Variants in STK4 observed in about 807,000 individuals in gnomAD.
The protein encoded by STK4 is serine/threonine-protein kinase 4.
In STK4, 30 loss-of-function variants were observed where a neutral mutation model predicts 64.9. That is an observed-to-expected ratio of 0.46 (90% CI 0.35 to 0.63). The LOEUF is 0.63. Among genes scored for constraint, STK4 ranks in the 20% least tolerant of loss-of-function variants. STK4 has a pLI of 0.01. For synonymous variants in STK4, 177 were observed against 199.0 expected (o/e 0.89, Z 0.93); for missense variants, 466 against 598.5 (o/e 0.78, Z 2.31).
At chr20:45,041,685 CTTT>C (rs11477080) in intron 10 of STK4, among the ~76,000 whole-genome samples, 7 of 145,828 alleles carry the variant, frequency 4.8e-5, no homozygotes, top group African/African-American at 2.5e-5. Flanking sequence ...GCGTGTTTAG[CTTT>C]TTTTTTTTTT....
intron 10 of STK4, among the ~76,000 whole-genome samples, chr20:45,070,065 T>C (rs180874599): frequency 7.4e-4 from 112 of 152,278 alleles, no homozygotes; most frequent in Non-Finnish European, 8.8e-4. Flanking sequence ...AGGCAGAAGA[T>C]TCATTAACTC....
chr20:45,041,934 A>G (rs534600981), intron 10 of STK4, among the ~76,000 whole-genome samples: 4 of 152,182 alleles, frequency 2.6e-5, no homozygotes, highest in African/African-American at 9.6e-5. Flanking sequence ...TGAAGTTTTT[A>G]AAGTTTGAAT....
chr20:45,035,746 CAT>C, intron 10 of STK4, among the ~76,000 whole-genome samples: 1 of 152,302 alleles, frequency 6.6e-6, no homozygotes, highest in Middle Eastern at 3.4e-3. Context: ...TAAACTCAGA[CAT>C]AGTCTCTGAA....
At position 45,077,120 on chromosome 20, in the gene STK4, A is replaced by G. The variant is rs550994778; in HGVS notation, c.*1944A>G. On this transcript the variant is annotated 3_prime_UTR_variant, in exon 11 of 11. Transcript: ENST00000372806. ...AGTTCAGAGAGAAAGATTCCTTCCC[A>G]AGGTCATGCAGCTAGTAAATGATAG... 3 of 152,332 alleles carry G rather than the reference A, an allele frequency of 2.0e-5. No individual in the cohort carries two copies. The highest frequency in any genetic ancestry group is 4.2e-4 in the South Asian group (2 of 4,816). 9.4% of individuals were successfully genotyped at this position (152,332 alleles called of 1,614,324 possible). A position where few individuals can be genotyped will look rare whatever the true frequency, so the allele number is the denominator to read the frequency against.
chr20:45,066,808 A>G (rs1243128080), intron 10 of STK4, among the ~76,000 whole-genome samples: 1 of 152,244 alleles, frequency 6.6e-6, no homozygotes, highest in South Asian at 2.1e-4. Flanking sequence ...TGGCATGACC[A>G]TAATTTGAGT....
chr20:45,044,425 C>T (rs182580770), intron 10 of STK4, among the ~76,000 whole-genome samples: 80 of 152,228 alleles, frequency 5.3e-4, no homozygotes, highest in African/African-American at 1.8e-3. Flanking sequence ...GTTGCAGGAT[C>T]GCTTGAGCCC....
At chr20:45,061,638 G>A (rs551026258) in intron 10 of STK4, among the ~76,000 whole-genome samples, 24 of 145,496 alleles carry the variant, frequency 1.6e-4, no homozygotes, top group African/African-American at 5.1e-4. Flanking sequence ...GGGTACATGT[G>A]CAGTTTTTTA....
intron 5 of STK4, among the ~76,000 whole-genome samples, chr20:44,990,792 GT>G (rs1206066895): frequency 6.6e-6 from 1 of 152,154 alleles, no homozygotes; most frequent in East Asian, 1.9e-4. Context: ...GGAGAGGAAG[GT>G]TTAGGGTGCT....
rs777923911 is a variant in STK4, at chr20:45,024,988, T to C, written c.1163T>C (p.Met388Thr). The change falls in exon 10 of 11, where the codon ATG becomes ACG. Residue 388 changes from methionine (M) to threonine (T), a missense_variant. Physicochemically the swap from Met to Thr is moderately conservative, Grantham distance 81. This residue lies in a region of STK4 where 276 missense variants were observed against 308.9 expected (regional missense o/e 0.89). Transcript: ENST00000372806. Reference protein sequence around the residue: ...EGTMKRRDETMQPAKPSFLEY... With the variant: ...EGTMKRRDETTQPAKPSFLEY... ...TTGTTTTCAGGAAGGGATGAGACCATGCAGCCTGCGAAACCATCCTTTCTT... is the reference window on the plus strand; with the variant it reads ...TTGTTTTCAGGAAGGGATGAGACCACGCAGCCTGCGAAACCATCCTTTCTT... The C allele has an allele frequency of 6.8e-6, 11 of 1,610,556 alleles. No individual in the cohort carries two copies. The highest frequency in any genetic ancestry group is 6.6e-5 in the South Asian group (6 of 90,474).
intron 5 of STK4, among the ~76,000 whole-genome samples, chr20:44,988,490 AATGTGT>A (rs1457662855): frequency 3.5e-5 from 5 of 142,180 alleles, no homozygotes; most frequent in South Asian, 2.2e-4. Context: ...TCAAAAAAAA[AATGTGT>A]ATGTATGTAT....
chr20:45,051,643 A>C (rs1568756448), intron 10 of STK4, among the ~76,000 whole-genome samples: 1 of 152,208 alleles, frequency 6.6e-6, no homozygotes, highest in Non-Finnish European at 1.5e-5. Flanking sequence ...TTATAGCTTC[A>C]TTAGAGGTGT....
intron 10 of STK4, among the ~76,000 whole-genome samples, chr20:45,067,100 A>G (rs1450069782): frequency 2.0e-5 from 3 of 152,190 alleles, no homozygotes; most frequent in African/African-American, 7.2e-5. Flanking sequence ...TTAGTGCTCT[A>G]GATGCCTTTG....
intron 2 of STK4, chr20:44,975,522 A>C (rs2067324767): frequency 3.7e-6 from 1 of 272,976 alleles, no homozygotes; most frequent in Non-Finnish European, 5.6e-6. Context: ...ATAGACAGCT[A>C]TGGACAAGGG....
chr20:44,985,181 G>C (rs2067511037), intron 4 of STK4, among the ~76,000 whole-genome samples: 1 of 151,960 alleles, frequency 6.6e-6, no homozygotes, highest in Non-Finnish European at 1.5e-5. Context: ...ATTTCTCTCT[G>C]ACTTTTGGCA....
intron 10 of STK4, among the ~76,000 whole-genome samples, chr20:45,034,774 G>A (rs140505544): frequency 6.6e-6 from 1 of 152,062 alleles, no homozygotes; most frequent in East Asian, 1.9e-4. Flanking sequence ...AAAATTAGCT[G>A]GGCTTGGTGG....
intron 10 of STK4, among the ~76,000 whole-genome samples, chr20:45,054,557 A>ATT (rs1978321628): frequency 8.4e-6 from 1 of 118,930 alleles, no homozygotes; most frequent in African/African-American, 3.4e-5. Context: ...GGGACACCCT[A>ATT]TCTTTTTTTT....
intron 10 of STK4, among the ~76,000 whole-genome samples, chr20:45,046,743 G>T (rs1017407298): frequency 1.3e-5 from 2 of 151,328 alleles, no homozygotes; most frequent in African/African-American, 4.9e-5. Flanking sequence ...GTGCAGTGGC[G>T]TGATCTCGGC....
rs79967368 is a variant in STK4 at position 45,067,161 on chromosome 20, G to A, written c.1306-7857G>A. ...GGACTTTCTAGTGGCCAGTGTTGAG[G>A]TATGGGATGGTATGATGGTGGCTTC... is the stretch of plus-strand genomic sequence containing the variant. On this transcript the variant is annotated intron_variant, in intron 10 of 10. Transcript: ENST00000372806. Among the ~76,000 whole-genome samples the A allele has an allele frequency of 1.8e-3, 277 of 152,220 alleles. 5 individuals carry two copies. In the East Asian group the frequency reaches 0.046, roughly 25 times the overall value.
At chr20:45,000,270 A>T in intron 7 of STK4, 122 bp from the exon 8 acceptor site, 1 of 1,302,750 alleles carries the variant, frequency 7.7e-7, no homozygotes, top group Non-Finnish European at 1.0e-6. Context: ...AAGCACAAAG[A>T]GAAAGATCAG....
Sources: allele counts gnomAD v4.1 joint callset (sites outside exome capture counted in the v4.1 genomes callset), GRCh38; gene constraint gnomAD v4.1.1; regional missense constraint gnomAD v4.1.1; transcripts MANE v1.5; gene names NCBI Gene and HGNC (gene_info 2026-07-23, HGNC 2026-07-21).